CDKL2: variants seen among roughly 807,000 people sequenced by gnomAD.
CDKL2 encodes cyclin dependent kinase like 2.
CDKL2 carries 64 observed loss-of-function variants against 63.9 expected under a neutral mutation model. That is an observed-to-expected ratio of 1.00 (90% confidence interval 0.82 to 1.23). The LOEUF (loss-of-function observed/expected upper bound fraction) is 1.23. Ranked by LOEUF, CDKL2 falls within the 50% of genes most tolerant of loss-of-function variation. The probability of loss-of-function intolerance (pLI) is 0.00; values close to 1 mark genes in which losing one functional copy is unlikely to be tolerated. For missense variants in CDKL2, 656 were observed against 668.0 expected, an observed-to-expected ratio of 0.98 and a Z score of 0.20; for synonymous variants, 211 against 229.2, an observed-to-expected ratio of 0.92 and a Z score of 0.72.
chr4:75,586,383 G>A (rs543399093), intron 12 of CDKL2, among the ~76,000 whole-genome samples: 38 of 151,822 alleles, frequency 2.5e-4, no homozygotes, highest in African/African-American at 7.7e-4. Flanking sequence ...CTGCCACCAC[G>A]CCCAGCTAAT....
rs1052455798 is a variant in CDKL2 at position 75,577,487 on chromosome 4, T to G, written c.*1715A>C. On this transcript the variant is annotated 3_prime_UTR_variant, in exon 14 of 14. Coordinates refer to ENST00000307465, the MANE Select transcript of CDKL2 (RefSeq NM_001330724.2). ...AGGCAAAAGATATCAAAAGCTAGTA[T>G]AAAAACTGCAAGGCAATTGATCCTA... is the stretch of plus-strand genomic sequence containing the variant. 1.3e-5 allele frequency among the ~76,000 whole-genome samples: 2 copies of G among 152,174 alleles called. No individual in the cohort carries two copies. The highest frequency in any genetic ancestry group is 1.3e-4 in the Admixed American group (2 of 15,272).
At chr4:75,600,820 A>G (rs1342758597) in intron 6 of CDKL2, among the ~76,000 whole-genome samples, 1 of 152,128 alleles carries the variant, frequency 6.6e-6, no homozygotes, top group Non-Finnish European at 1.5e-5. Flanking sequence ...CTAGACAATG[A>G]CCGTCAGTGG....
intron 2 of CDKL2, among the ~76,000 whole-genome samples, chr4:75,622,973 G>A (rs570686908): frequency 6.6e-6 from 1 of 151,938 alleles, no homozygotes. Context: ...TATTCTACCA[G>A]ATATAAAAAC....
intron 2 of CDKL2, 73 bp downstream of exon 2, chr4:75,625,748 A>T (rs1730369336): frequency 9.4e-7 from 1 of 1,059,898 alleles, no homozygotes; most frequent in African/African-American, 1.6e-5. Context: ...ATATCTAATC[A>T]TTGTATTTCT....
intron 6 of CDKL2, 28 bp from the exon 7 acceptor site, chr4:75,600,397 A>C: frequency 7.1e-7 from 1 of 1,401,808 alleles, no homozygotes; most frequent in Non-Finnish European, 9.9e-7. Flanking sequence ...CTTAGAGTTC[A>C]TATCAAGAAA....
chr4:75,628,000 A>C (rs1013079676), intron 1 of CDKL2, among the ~76,000 whole-genome samples: 9 of 151,122 alleles, frequency 6.0e-5, no homozygotes, highest in Non-Finnish European at 1.3e-4. Context: ...AATTTTATTA[A>C]ATTTAATGTA....
At chr4:75,609,277 T>A (rs1057240505) in intron 3 of CDKL2, among the ~76,000 whole-genome samples, 4 of 152,064 alleles carry the variant, frequency 2.6e-5, no homozygotes, top group Admixed American at 6.6e-5. Context: ...GGAGAGACTT[T>A]GTAAGAATAA....
At chr4:75,618,485 C>G (rs546298416) in intron 2 of CDKL2, among the ~76,000 whole-genome samples, 1 of 152,016 alleles carries the variant, frequency 6.6e-6, no homozygotes, top group South Asian at 2.1e-4. Context: ...AACTCCCAAC[C>G]TTAGGTGATC....
chr4:75,627,507 G>A (rs1384752398), intron 1 of CDKL2, among the ~76,000 whole-genome samples: 1 of 152,032 alleles, frequency 6.6e-6, no homozygotes, highest in Non-Finnish European at 1.5e-5. Context: ...CTGACCTCAA[G>A]TGATCCACCC....
At chr4:75,595,742 C>G (rs1406050380) in intron 10 of CDKL2, among the ~76,000 whole-genome samples, 5 of 151,850 alleles carry the variant, frequency 3.3e-5, no homozygotes, top group Admixed American at 3.3e-4. Context: ...CCAGCCTGGC[C>G]AAGATGGTGA....
rs1729847362 is a variant in CDKL2 at position 75,614,583 on chromosome 4, C to T, written c.169-134G>A. On this transcript the variant is annotated intron_variant, in intron 2 of 13. Transcript: ENST00000307465. ...GAAAAATATATAAATAAAATGCATACATAGTGTAAATTGTAAAAGCATATT... is the reference window on the plus strand; with the variant it reads ...GAAAAATATATAAATAAAATGCATATATAGTGTAAATTGTAAAAGCATATT... 3 of 570,512 alleles carry T rather than the reference C, an allele frequency of 5.3e-6. No individual in the cohort carries two copies. In the Admixed American group the frequency reaches 9.9e-5, roughly 19 times the overall value. 35.3% of individuals were successfully genotyped at this position (570,512 alleles called of 1,614,324 possible).
chr4:75,579,092 G>T lies in CDKL2; in HGVS notation c.*110C>A. The T allele has an allele frequency of 6.6e-6, 1 of 152,582 alleles. No homozygotes were observed. Among genetic ancestry groups the T allele is most frequent in the Non-Finnish European group, 1.5e-5 (1 of 68,024 alleles). The allele number at this position is 152,582 out of a possible 1,614,324, so 9.5% of individuals were successfully genotyped here. The stretch of plus-strand genomic sequence containing the variant: ...CTCAGAAAATGCAGGCAGTTCAGAA[G>T]GAAATGATCAAAACCATGAATCTCT... On this transcript the variant is annotated 3_prime_UTR_variant, in exon 14 of 14. Transcript: ENST00000307465.
rs1390081850 is a variant in CDKL2 at position 75,578,607 on chromosome 4, C to T, written c.*595G>A. 1 of 152,238 alleles carries T rather than the reference C, an allele frequency of 6.6e-6. No individual in the cohort carries two copies. Among genetic ancestry groups the T allele is most frequent in the Non-Finnish European group, 1.5e-5 (1 of 68,028 alleles). The allele number at this position is 152,238 out of a possible 1,614,324, so 9.4% of individuals were successfully genotyped here. A position where few individuals can be genotyped will look rare whatever the true frequency, so the allele number is the denominator to read the frequency against. ...CCCATGGACAGGAGTTACATATTCA[C>T]TTAATATCTAGAAACGTGTAAGATT... On this transcript the variant is annotated 3_prime_UTR_variant, in exon 14 of 14. Transcript: ENST00000307465.
intron 2 of CDKL2, among the ~76,000 whole-genome samples, chr4:75,625,414 C>T (rs1730354620): frequency 6.6e-6 from 1 of 152,024 alleles, no homozygotes. Context: ...TTCCAGGATA[C>T]ATACCAAGCT....
At position 75,603,875 on chromosome 4, in the gene CDKL2, CTT is replaced by C; in HGVS notation, c.735_736del (p.Glu247ThrfsTer3). ...AGGATAGCGTCTTTCAAGAGGTTCT[CTT>C]TCCTTGATTTCAGGCAACCTTACTC... On this transcript the variant is annotated frameshift_variant, in exon 6 of 14. Coordinates refer to ENST00000307465, the MANE Select transcript of CDKL2 (RefSeq NM_001330724.2). LOFTEE classifies it high-confidence loss of function. 5 of 1,613,578 alleles carry C rather than the reference CTT, an allele frequency of 3.1e-6. No homozygotes were observed. Among genetic ancestry groups the C allele is most frequent in the Non-Finnish European group, 4.2e-6 (5 of 1,179,760 alleles).
chr4:75,602,585 G>T (rs753486381), intron 6 of CDKL2, among the ~76,000 whole-genome samples: 1 of 151,938 alleles, frequency 6.6e-6, no homozygotes, highest in Non-Finnish European at 1.5e-5. Flanking sequence ...GCAGTGGTGC[G>T]ATCTCAGCTC....
At chr4:75,588,002 G>A (rs1728551692) in intron 12 of CDKL2, among the ~76,000 whole-genome samples, 1 of 151,504 alleles carries the variant, frequency 6.6e-6, no homozygotes. Context: ...ATCACCTGAG[G>A]TCGGGAGTTC....
chr4:75,623,263 A>G (rs562903025), intron 2 of CDKL2, among the ~76,000 whole-genome samples: 67 of 152,278 alleles, frequency 4.4e-4, no homozygotes, highest in Admixed American at 1.7e-3. Flanking sequence ...CGGGTGATAC[A>G]GCAAAACCCT....
chr4:75,612,199 CT>C (rs937001211), intron 3 of CDKL2, among the ~76,000 whole-genome samples: 4 of 152,170 alleles, frequency 2.6e-5, no homozygotes, highest in African/African-American at 9.7e-5. Flanking sequence ...CTTCGAACTC[CT>C]GACCTCAAGT....
Sources: allele counts gnomAD v4.1 joint callset (sites outside exome capture counted in the v4.1 genomes callset), GRCh38; gene constraint gnomAD v4.1.1; transcripts MANE v1.5; gene names NCBI Gene and HGNC (gene_info 2026-07-23, HGNC 2026-07-21).